The following PHACTR1 variants were observed in gnomAD, a reference collection of about 807,000 sequenced individuals.
The protein encoded by PHACTR1 is phosphatase and actin regulator 1, also known as RPEL repeat containing 1.
A neutral mutation model predicts 69.2 loss-of-function variants in PHACTR1; 16 were observed. That is an observed-to-expected ratio of 0.23 (90% CI 0.16 to 0.35). The LOEUF is 0.35. PHACTR1 is among the 10% of genes least tolerant of loss of function. The pLI is 1.00. For synonymous variants in PHACTR1, 312 were observed against 284.5 expected (o/e 1.10, Z -0.97); for missense variants, 510 against 734.7 (o/e 0.69, Z 3.54).
intron 10 of PHACTR1, among the ~76,000 whole-genome samples, chr6:13,243,636 T>C (rs917758439): frequency 2.6e-5 from 4 of 152,146 alleles, no homozygotes; most frequent in African/African-American, 9.7e-5. Context: ...AGGTTTATTA[T>C]AGAGATAAAT....
At chr6:13,210,520 C>T (rs1322350507) in intron 8 of PHACTR1, among the ~76,000 whole-genome samples, 2 of 152,208 alleles carry the variant, frequency 1.3e-5, no homozygotes, top group Non-Finnish European at 2.9e-5. Context: ...ACCCCTACTT[C>T]AGGACAAAGT....
intron 4 of PHACTR1, among the ~76,000 whole-genome samples, chr6:13,022,682 C>A (rs2127671427): frequency 1.4e-5 from 2 of 145,496 alleles, no homozygotes; most frequent in Admixed American, 6.7e-5. Context: ...AAAAAAAAAA[C>A]TTTGCCAACT....
At chr6:12,991,920 T>C (rs914547014) in intron 4 of PHACTR1, among the ~76,000 whole-genome samples, 9 of 152,010 alleles carry the variant, frequency 5.9e-5, no homozygotes, top group Non-Finnish European at 1.2e-4. Flanking sequence ...ATTATGGCAC[T>C]GACATAAGTA....
chr6:13,235,539 T>G (rs1343471129), intron 10 of PHACTR1, among the ~76,000 whole-genome samples: 1 of 152,190 alleles, frequency 6.6e-6, no homozygotes, highest in Non-Finnish European at 1.5e-5. Flanking sequence ...TTCCTCACTT[T>G]CCAGCCTATG....
At chr6:12,791,538 C>G (rs770072015) in intron 4 of PHACTR1, among the ~76,000 whole-genome samples, 2 of 152,208 alleles carry the variant, frequency 1.3e-5, no homozygotes, top group African/African-American at 2.4e-5. Context: ...CTAACCCTAG[C>G]AAAGGACAGA....
intron 4 of PHACTR1, among the ~76,000 whole-genome samples, chr6:12,896,170 G>A (rs544077927): frequency 5.3e-5 from 8 of 152,190 alleles, no homozygotes; most frequent in Non-Finnish European, 7.3e-5. Context: ...ATGTACGTCA[G>A]GCATAGCCCT....
At chr6:13,278,948 G>A (rs1002212330) in intron 12 of PHACTR1, among the ~76,000 whole-genome samples, 1 of 122,760 alleles carries the variant, frequency 8.1e-6, no homozygotes, top group South Asian at 2.8e-4. Flanking sequence ...GGGCAACAGA[G>A]CAAGACTCTG....
intron 3 of PHACTR1, among the ~76,000 whole-genome samples, chr6:12,721,300 C>A (rs1271066537): frequency 1.3e-5 from 2 of 151,966 alleles, no homozygotes; most frequent in Admixed American, 1.3e-4. Context: ...AGGAGAATCG[C>A]TTGAACCTGG....
chr6:13,023,018 A>T (rs1277769967), intron 4 of PHACTR1, among the ~76,000 whole-genome samples: 1 of 151,388 alleles, frequency 6.6e-6, no homozygotes, highest in Non-Finnish European at 1.5e-5. Flanking sequence ...TCCTGTCTCA[A>T]AATAATAATA....
chr6:13,271,420 G>C (rs1047086851), intron 10 of PHACTR1, among the ~76,000 whole-genome samples: 5 of 152,130 alleles, frequency 3.3e-5, no homozygotes, highest in African/African-American at 9.7e-5. Flanking sequence ...GGTGACACGG[G>C]AATGTCACAG....
Position 12,935,459 on chromosome 6 carries a change from G to A in PHACTR1, c.251-117906G>A, listed in dbSNP as rs369926571. 4.9e-4 allele frequency among the ~76,000 whole-genome samples: 75 copies of A among 152,160 alleles called. No homozygotes were observed. The South Asian group carries it at 0.015, about 30-fold the overall frequency. On this transcript the variant is annotated intron_variant, in intron 4 of 14. Coordinates refer to ENST00000332995, the MANE Select transcript of PHACTR1 (RefSeq NM_030948.6). ...GGGTTTCACCATGTTGACCAGGCTGGTCTCGAACTTTTGACCTCAAGTGAT... is the reference window on the plus strand; with the variant it reads ...GGGTTTCACCATGTTGACCAGGCTGATCTCGAACTTTTGACCTCAAGTGAT...
chr6:12,827,515 A>C (rs1776933401), intron 4 of PHACTR1, among the ~76,000 whole-genome samples: 1 of 152,218 alleles, frequency 6.6e-6, no homozygotes, highest in Admixed American at 6.5e-5. Flanking sequence ...CTGTGTATGG[A>C]GAATCTACCT....
At chr6:12,749,830 GCTCC>G in intron 4 of PHACTR1, 40 bp downstream of exon 4, 1 of 1,482,846 alleles carries the variant, frequency 6.7e-7, no homozygotes, top group Non-Finnish European at 9.0e-7. Flanking sequence ...CCCCCGCCCT[GCTCC>G]CTCCCTCCCC....
At chr6:12,775,044 C>G (rs1342524305) in intron 4 of PHACTR1, among the ~76,000 whole-genome samples, 1 of 152,142 alleles carries the variant, frequency 6.6e-6, no homozygotes, top group Non-Finnish European at 1.5e-5. Flanking sequence ...AGGAGCCTCT[C>G]AGGGCCTCAC....
chr6:12,901,280 G>C (rs781771496), intron 4 of PHACTR1, among the ~76,000 whole-genome samples: 38 of 152,126 alleles, frequency 2.5e-4, no homozygotes, highest in Non-Finnish European at 3.7e-4. Flanking sequence ...TCTGTACATA[G>C]ACAGCTGCTT....
intron 4 of PHACTR1, among the ~76,000 whole-genome samples, chr6:12,883,633 G>C (rs905660709): frequency 6.6e-6 from 1 of 151,870 alleles, no homozygotes; most frequent in Non-Finnish European, 1.5e-5. Context: ...TGAGTCCTGA[G>C]TCCTGAGTCC....
chr6:13,195,149 C>T (rs1226124294), intron 7 of PHACTR1, among the ~76,000 whole-genome samples: 1 of 152,138 alleles, frequency 6.6e-6, no homozygotes, highest in African/African-American at 2.4e-5. Flanking sequence ...TGATGGAGCT[C>T]CTGTTGACCT....
intron 10 of PHACTR1, among the ~76,000 whole-genome samples, chr6:13,269,875 C>CA (rs1562097825): frequency 6.6e-6 from 1 of 152,166 alleles, no homozygotes; most frequent in Admixed American, 6.5e-5. Context: ...TCTACTCTCA[C>CA]ACTTAACACA....
chr6:13,024,881 C>T (rs1801466702), intron 4 of PHACTR1, among the ~76,000 whole-genome samples: 1 of 152,180 alleles, frequency 6.6e-6, no homozygotes, highest in African/African-American at 2.4e-5. Context: ...AATGCAGATT[C>T]CTGTGGTAAG....
Sources: gnomAD v4.1 joint callset for allele counts (sites outside exome capture counted in the v4.1 genomes callset) on GRCh38, gnomAD v4.1.1 for gene constraint, MANE v1.5 for transcripts, NCBI Gene and HGNC (gene_info 2026-07-23, HGNC 2026-07-21) for gene names.